Variants in TMEM135 observed in about 807,000 individuals in gnomAD.
TMEM135 encodes transmembrane protein 135.
Under a neutral mutation model 60.3 loss-of-function variants are expected in TMEM135, and 30 were observed. The observed-to-expected ratio is 0.50, with a 90% CI of 0.37 to 0.68. The LOEUF is 0.68. Among genes scored for constraint, TMEM135 ranks in the 30% least tolerant of loss-of-function variants. The probability of loss-of-function intolerance (pLI) is 0.00; values close to 1 mark genes in which losing one functional copy is unlikely to be tolerated. For synonymous variants in TMEM135, 190 were observed against 186.7 expected (o/e 1.02, Z -0.14); for missense variants, 468 against 548.8 (o/e 0.85, Z 1.47).
chr11:87,071,408 T>C, intron 2 of TMEM135, 115 bp from the exon 3 acceptor site: 1 of 759,318 alleles, frequency 1.3e-6, no homozygotes. Flanking sequence ...ATGTTTATTT[T>C]GAGGTAGTGT....
rs11235100 is a variant in TMEM135 at position 87,327,045 on chromosome 11, G to A, written c.*5712G>A. ...CTGAGGGAACACTGATGTTGTTTAA[G>A]ACAGTTACATGCCTAGCCCCAGGGA... On this transcript the variant is annotated 3_prime_UTR_variant, in exon 15 of 15. Coordinates refer to ENST00000305494, the MANE Select transcript of TMEM135 (RefSeq NM_022918.4). 2.4e-3 allele frequency: 1,076 copies of A among 453,332 alleles called. 14 individuals are homozygous for A. The highest frequency in any genetic ancestry group is 0.02 in the African/African-American group (980 of 49,910). 28.1% of individuals were successfully genotyped at this position (453,332 alleles called of 1,614,324 possible).
intron 4 of TMEM135, among the ~76,000 whole-genome samples, chr11:87,132,429 T>A (rs2135233642): frequency 6.6e-6 from 1 of 152,304 alleles, no homozygotes; most frequent in Non-Finnish European, 1.5e-5. Context: ...TAATGGAAAG[T>A]CCTTATGATT....
chr11:87,162,192 TC>T, intron 5 of TMEM135, among the ~76,000 whole-genome samples: 1 of 148,422 alleles, frequency 6.7e-6, no homozygotes, highest in African/African-American at 2.5e-5. Flanking sequence ...AGGAGGTATA[TC>T]TTTTATTTTT....
At chr11:87,170,789 A>G (rs1303394342) in intron 5 of TMEM135, among the ~76,000 whole-genome samples, 1 of 152,102 alleles carries the variant, frequency 6.6e-6, no homozygotes, top group East Asian at 1.9e-4. Flanking sequence ...TTGAGGAGGC[A>G]CTTTGTCCCT....
intron 5 of TMEM135, among the ~76,000 whole-genome samples, chr11:87,223,122 G>A (rs1940679835): frequency 6.6e-6 from 1 of 150,548 alleles, no homozygotes; most frequent in African/African-American, 2.4e-5. Flanking sequence ...AGACATAATC[G>A]AGAAGTCTAT....
At chr11:87,297,273 G>C (rs1369406617) in intron 7 of TMEM135, among the ~76,000 whole-genome samples, 1 of 152,140 alleles carries the variant, frequency 6.6e-6, no homozygotes, top group Admixed American at 6.6e-5. Flanking sequence ...CTGAAAGAAG[G>C]TGCTATTAAC....
At chr11:87,149,697 C>G (rs1433634604) in intron 4 of TMEM135, among the ~76,000 whole-genome samples, 1 of 152,150 alleles carries the variant, frequency 6.6e-6, no homozygotes, top group Non-Finnish European at 1.5e-5. Context: ...CCAATTTTCT[C>G]TCAACTATGA....
At chr11:87,039,680 C>G (rs1284798687) in intron 1 of TMEM135, among the ~76,000 whole-genome samples, 1 of 152,196 alleles carries the variant, frequency 6.6e-6, no homozygotes. Flanking sequence ...AATAAAACAT[C>G]TACAAACATT....
intron 13 of TMEM135, among the ~76,000 whole-genome samples, 174 bp downstream of exon 13, chr11:87,318,409 C>T (rs1191144321): frequency 6.6e-6 from 1 of 151,196 alleles, no homozygotes; most frequent in Non-Finnish European, 1.5e-5. Context: ...AGCTTCTAAT[C>T]ATTAATGTTA....
At chr11:87,299,355 G>A (rs1261960581) in intron 7 of TMEM135, among the ~76,000 whole-genome samples, 1 of 152,100 alleles carries the variant, frequency 6.6e-6, no homozygotes, top group African/African-American at 2.4e-5. Flanking sequence ...TAGAGTGAGG[G>A]AGTGCCACAC....
At chr11:87,168,610 C>A (rs545562313) in intron 5 of TMEM135, among the ~76,000 whole-genome samples, 1 of 152,216 alleles carries the variant, frequency 6.6e-6, no homozygotes, top group Non-Finnish European at 1.5e-5. Flanking sequence ...CTTAGTTGTG[C>A]GGTTTTAAGG....
chr11:87,244,567 G>A lies in TMEM135; in HGVS notation c.509+7883G>A. On this transcript the variant is annotated intron_variant, in intron 6 of 14. Transcript: ENST00000305494. ...TATTCAGATATTCAACTTCTTCCTG[G>A]TTTAGTCTTGGGAGGATGTATGTGT... 2.4e-5 allele frequency among the ~76,000 whole-genome samples: 2 copies of A among 82,788 alleles called. 1 individual carries two copies. Among genetic ancestry groups the A allele is most frequent in the Non-Finnish European group, 5.9e-5 (2 of 34,004 alleles). The allele number at this position is 82,788 out of a possible 152,430, so 54.3% of individuals were successfully genotyped here.
At chr11:87,183,257 C>T (rs1939564926) in intron 5 of TMEM135, among the ~76,000 whole-genome samples, 2 of 150,910 alleles carry the variant, frequency 1.3e-5, no homozygotes, top group African/African-American at 4.9e-5. Flanking sequence ...ATTCTCCTGC[C>T]TCAGCCTCCT....
At chr11:87,096,486 A>G (rs1482787668) in intron 4 of TMEM135, 3 of 152,356 alleles carry the variant, frequency 2.0e-5, no homozygotes, top group Admixed American at 6.5e-5. Context: ...GAAAATAAAA[A>G]AGATATTTCA....
In TMEM135 at chr11:87,305,720, G is replaced by A. The variant is rs565164775; in HGVS notation, c.699-216G>A. On this transcript the variant is annotated intron_variant, in intron 8 of 14. Coordinates refer to ENST00000305494, the MANE Select transcript of TMEM135 (RefSeq NM_022918.4). ...ACCTGGGAGGCAGAGGTTGCAGTGA[G>A]TTGAGATCACGCCCATTGTACTCCA... Among the ~76,000 whole-genome samples, 9 of 152,170 alleles carry A rather than the reference G, an allele frequency of 5.9e-5. 1 individual carries two copies. The South Asian group carries it at 1.9e-3, about 32-fold the overall frequency.
intron 1 of TMEM135, among the ~76,000 whole-genome samples, chr11:87,042,567 A>T (rs926868484): frequency 4.6e-5 from 7 of 152,198 alleles, no homozygotes; most frequent in African/African-American, 1.7e-4. Flanking sequence ...AGGTCAGAAA[A>T]AAACTTCTGC....
intron 4 of TMEM135, among the ~76,000 whole-genome samples, chr11:87,122,100 A>G (rs1173816679): frequency 2.6e-5 from 4 of 152,164 alleles, no homozygotes; most frequent in Non-Finnish European, 5.9e-5. Flanking sequence ...CTGAATTTTA[A>G]ATCATTTTTT....
At chr11:87,156,212 T>C (rs182925983) in intron 4 of TMEM135, among the ~76,000 whole-genome samples, 68 of 152,328 alleles carry the variant, frequency 4.5e-4, no homozygotes, top group Middle Eastern at 3.4e-3. Context: ...TTCTATTCCA[T>C]TGTCTTAGAT....
chr11:87,112,405 T>C (rs1857777839), intron 4 of TMEM135, among the ~76,000 whole-genome samples: 1 of 152,170 alleles, frequency 6.6e-6, no homozygotes. Flanking sequence ...AGCTCTCTGG[T>C]CATCAACCGT....
Sources: gnomAD v4.1 joint callset for allele counts (sites outside exome capture counted in the v4.1 genomes callset) on GRCh38, gnomAD v4.1.1 for gene constraint, MANE v1.5 for transcripts, NCBI Gene and HGNC (gene_info 2026-07-23, HGNC 2026-07-21) for gene names.